Variants in TMTC1 observed in about 807,000 individuals in gnomAD.
TMTC1 encodes transmembrane O-mannosyltransferase targeting cadherins 1, also known as protein O-mannosyl-transferase TMTC1.
TMTC1 carries 73 observed loss-of-function variants against 104.8 expected under a neutral mutation model. The ratio of observed to expected loss-of-function variants is 0.70; its 90% CI spans 0.58 to 0.85. The LOEUF (loss-of-function observed/expected upper bound fraction) is 0.85. Among genes scored for constraint, TMTC1 ranks in the 40% least tolerant of loss-of-function variants. The pLI, the probability that TMTC1 is intolerant of heterozygous loss-of-function variation, is 0.00. For missense variants in TMTC1, 1,035 were observed against 1,096.1 expected (o/e 0.94, Z 0.79); for synonymous variants, 434 against 428.7 (o/e 1.01, Z -0.15).
intron 1 of TMTC1, among the ~76,000 whole-genome samples, chr12:29,768,434 A>G (rs910632625): frequency 1.3e-5 from 2 of 152,126 alleles, no homozygotes; most frequent in African/African-American, 4.8e-5. Flanking sequence ...CAAGCAACTG[A>G]GTGTTGAAAG....
chr12:29,734,404 C>A (rs1306516802), intron 5 of TMTC1, among the ~76,000 whole-genome samples: 1 of 152,162 alleles, frequency 6.6e-6, no homozygotes, highest in Non-Finnish European at 1.5e-5. Flanking sequence ...TGGATGAACT[C>A]CTGACCCTTC....
intron 6 of TMTC1, among the ~76,000 whole-genome samples, chr12:29,628,901 A>T (rs1032882094): frequency 1.3e-5 from 2 of 152,022 alleles, no homozygotes; most frequent in Admixed American, 1.3e-4. Context: ...GCCTCAAGTG[A>T]TCTGCCTGCC....
chr12:29,571,248 T>C (rs978452641), intron 9 of TMTC1, among the ~76,000 whole-genome samples: 5 of 152,136 alleles, frequency 3.3e-5, no homozygotes, highest in African/African-American at 1.2e-4. Context: ...TTGCCTACAA[T>C]TGGAGATTGC....
chr12:29,729,787 G>A (rs1010814160), intron 5 of TMTC1, among the ~76,000 whole-genome samples: 2 of 152,100 alleles, frequency 1.3e-5, no homozygotes, highest in Admixed American at 6.6e-5. Flanking sequence ...TTTTATGCAC[G>A]TGTACTATGT....
intron 10 of TMTC1, among the ~76,000 whole-genome samples, chr12:29,547,602 AC>A (rs1487351147): frequency 1.3e-5 from 2 of 152,210 alleles, no homozygotes; most frequent in East Asian, 3.9e-4. Context: ...TCTATTTAAA[AC>A]CTCAGTCACA....
rs185445468 is a variant in TMTC1 at position 29,624,113 on chromosome 12, G to A, written c.1128+9034C>T. Reference sequence around the variant, plus strand: ...TCCTGCCTCAGCCTCCTGAGTATCTGGGATTACATGCACCCACCATCACGC... The same window carrying A: ...TCCTGCCTCAGCCTCCTGAGTATCTAGGATTACATGCACCCACCATCACGC... On this transcript the variant is annotated intron_variant, in intron 6 of 17. Coordinates refer to ENST00000539277, the MANE Select transcript of TMTC1 (RefSeq NM_001193451.2). 9.8e-4 allele frequency among the ~76,000 whole-genome samples: 149 copies of A among 152,046 alleles called. 1 individual carries two copies. Among genetic ancestry groups the A allele is most frequent in the African/African-American group, 3.4e-3 (141 of 41,488 alleles).
intron 5 of TMTC1, among the ~76,000 whole-genome samples, chr12:29,705,434 G>A (rs968584487): frequency 6.6e-6 from 1 of 152,208 alleles, no homozygotes; most frequent in Non-Finnish European, 1.5e-5. Context: ...TACATCCACA[G>A]AGGAACTCTC....
intron 5 of TMTC1, among the ~76,000 whole-genome samples, chr12:29,651,315 T>C (rs941315284): frequency 1.3e-5 from 2 of 152,164 alleles, no homozygotes; most frequent in Non-Finnish European, 2.9e-5. Flanking sequence ...TTGGGACTAG[T>C]TTCCAAACAG....
chr12:29,726,201 A>G (rs1942386108), intron 5 of TMTC1, among the ~76,000 whole-genome samples: 1 of 152,208 alleles, frequency 6.6e-6, no homozygotes. Context: ...GCACAGAATT[A>G]AGGAGGGGGG....
chr12:29,518,323 T>C lies in TMTC1; in HGVS notation c.2024+149A>G. ...ATTATGATCCCATTTATATTGTGGT[T>C]GCTTTCTTTGGAGATAAAAATTTGT... On this transcript the variant is annotated intron_variant, in intron 13 of 17. Transcript: ENST00000539277. 6.3e-6 allele frequency: 5 copies of C among 795,938 alleles called. No individual in the cohort carries two copies. The Middle Eastern group carries it at 1.2e-3, about 196-fold the overall frequency. 49.3% of individuals were successfully genotyped at this position (795,938 alleles called of 1,614,324 possible).
intron 5 of TMTC1, among the ~76,000 whole-genome samples, chr12:29,726,498 C>T (rs1203788489): frequency 6.6e-6 from 1 of 152,100 alleles, no homozygotes; most frequent in Non-Finnish European, 1.5e-5. Context: ...ATTCTGTGAG[C>T]TCAAGAGGAA....
intron 7 of TMTC1, among the ~76,000 whole-genome samples, chr12:29,587,437 G>A (rs570036998): frequency 2.0e-3 from 308 of 151,956 alleles, no homozygotes; most frequent in African/African-American, 7.0e-3. Context: ...GGGCTCAACT[G>A]ATTCTCCCTC....
rs767720020 is a variant in TMTC1 at position 29,656,458 on chromosome 12, G to A, written c.939-23122C>T. On this transcript the variant is annotated intron_variant, in intron 5 of 17. Coordinates refer to ENST00000539277, the MANE Select transcript of TMTC1 (RefSeq NM_001193451.2). ...CAACCTCTGCCTCCCCAGTTCAAGC[G>A]ATTCTCCTGCTTCAGCCTCCCAAGT... Among the ~76,000 whole-genome samples, 5 of 150,540 alleles carry A rather than the reference G, an allele frequency of 3.3e-5. No individual in the cohort carries two copies. The East Asian group carries it at 7.8e-4, about 23-fold the overall frequency.
chr12:29,568,096 A>T (rs1945568225), intron 9 of TMTC1, among the ~76,000 whole-genome samples: 1 of 152,222 alleles, frequency 6.6e-6, no homozygotes, highest in Non-Finnish European at 1.5e-5. Context: ...ATCAGTAGGC[A>T]CTATTATCAT....
intron 5 of TMTC1, among the ~76,000 whole-genome samples, chr12:29,723,727 A>G (rs1942302821): frequency 6.6e-6 from 1 of 152,108 alleles, no homozygotes; most frequent in South Asian, 2.1e-4. Context: ...TAAGGAAAAA[A>G]CGAGAGAGAG....
chr12:29,525,158 CTTTTTTTTTTTTTTTTTTTTTTTTTT>C (rs56395403), intron 11 of TMTC1, among the ~76,000 whole-genome samples: 632 of 46,164 alleles, frequency 0.014, 10 homozygotes, highest in African/African-American at 0.047. Context: ...CAAGGGCAGT[CTTTTTTTTTTTTTTTTTTTTTTTTTT>C]TTTTTTTTTT....
intron 5 of TMTC1, among the ~76,000 whole-genome samples, chr12:29,639,212 A>G (rs1938713180): frequency 6.6e-6 from 1 of 152,172 alleles, no homozygotes; most frequent in Admixed American, 6.5e-5. Flanking sequence ...CATAGTTGAG[A>G]ACAGTGTAAT....
chr12:29,667,561 C>A (rs1229814228), intron 5 of TMTC1, among the ~76,000 whole-genome samples: 1 of 152,076 alleles, frequency 6.6e-6, no homozygotes, highest in Non-Finnish European at 1.5e-5. Context: ...GGAATCAAAA[C>A]AGCTCATGTA....
chr12:29,630,511 TG>T (rs1938243224), intron 6 of TMTC1, among the ~76,000 whole-genome samples: 2 of 152,104 alleles, frequency 1.3e-5, no homozygotes, highest in South Asian at 4.1e-4. Context: ...TCAATTTGGG[TG>T]GGGACACAGC....
Sources: allele counts gnomAD v4.1 joint callset (sites outside exome capture counted in the v4.1 genomes callset), GRCh38; gene constraint gnomAD v4.1.1; transcripts MANE v1.5; gene names NCBI Gene and HGNC (gene_info 2026-07-23, HGNC 2026-07-21).